SACS: variants seen among roughly 807,000 people sequenced by gnomAD.
SACS encodes the protein sacsin molecular chaperone.
In SACS, 197 loss-of-function variants were observed where a neutral mutation model predicts 348.0. The ratio of observed to expected loss-of-function variants is 0.57; its 90% CI spans 0.50 to 0.64. The LOEUF is 0.64. SACS is among the 30% of genes least tolerant of loss of function. The probability of loss-of-function intolerance (pLI) is 0.00; values close to 1 mark genes in which losing one functional copy is unlikely to be tolerated. For synonymous variants in SACS, 1,985 were observed against 1,910.6 expected (o/e 1.04, Z -1.02); for missense variants, 4,999 against 5,360.8 (o/e 0.93, Z 2.11).
Position 23,331,005 on chromosome 13 carries a change from T to C in SACS, c.12871A>G (p.Lys4291Glu). 6.2e-7 allele frequency: 1 copy of C among 1,614,160 alleles called. No individual in the cohort carries two copies. The highest frequency in any genetic ancestry group is 1.1e-5 in the South Asian group (1 of 91,086). ...SGRESHKTSS[K>E]HQSPKKLKVN... The stretch of plus-strand genomic sequence containing the variant: ...TTAAGCTTTTTGGGGGACTGATGTT[T>C]GGAAGAAGTCTTGTGGCTCTCTCTA... Residue 4291 changes from lysine (K) to glutamate (E), a missense_variant, in exon 10 of 10, where the codon AAA (lysine) becomes GAA (glutamate). Lys to Glu is a moderately conservative substitution (Grantham distance 56, BLOSUM62 1). Transcript: ENST00000382292.
In SACS at chr13:23,339,810, G is replaced by A. The variant is rs1227720271; in HGVS notation, c.4066C>T (p.Leu1356Phe). The A allele has an allele frequency of 6.2e-7, 1 of 1,613,012 alleles. No individual in the cohort carries two copies. Among genetic ancestry groups the A allele is most frequent in the Admixed American group, 1.7e-5 (1 of 59,870 alleles). ...DLSEQESKQNLHLMLNIIRWL... is the reference protein window; with the variant it reads ...DLSEQESKQNFHLMLNIIRWL... ...CTGATAATATTCAACATAAGATGAAGATTTTGTTTGCTTTCTTGTTCACTG... is the reference window on the plus strand; with the variant it reads ...CTGATAATATTCAACATAAGATGAAAATTTTGTTTGCTTTCTTGTTCACTG... Residue 1356 changes from leucine to phenylalanine, a missense_variant, in exon 10 of 10, where the codon CTT (leucine) becomes TTT (phenylalanine). Physicochemically the swap from Leu to Phe is conservative, Grantham distance 22 (BLOSUM62 0). Transcript: ENST00000382292.
Position 23,330,751 on chromosome 13 carries a change from G to A in SACS, c.13125C>T (p.Ala4375=), listed in dbSNP as rs768857354. 4 of 1,613,794 alleles carry A rather than the reference G, an allele frequency of 2.5e-6. No individual in the cohort carries two copies. Among genetic ancestry groups the A allele is most frequent in the South Asian group, 2.2e-5 (2 of 91,016 alleles). ...CTGAGGTTGAAAATGTTCGTCTGGA[G>A]GCCCTGTCTGCATTTTGATCTAGAA... ...QAFLDQNADR[A]SRRTFSTSAS... is the part of the protein sequence containing the mutation. The change falls in exon 10 of 10, where the codon GCC becomes GCT. Residue 4375 remains alanine, a synonymous_variant. Transcript: ENST00000382292.
chr13:23,430,076 C>G (rs1050483942), intron 1 of SACS, among the ~76,000 whole-genome samples: 1 of 152,016 alleles, frequency 6.6e-6, no homozygotes, highest in Non-Finnish European at 1.5e-5. Context: ...GACGTGGTAG[C>G]AGTCACTTGT....
At chr13:23,407,086 T>C (rs1478852352) in intron 2 of SACS, among the ~76,000 whole-genome samples, 3 of 152,222 alleles carry the variant, frequency 2.0e-5, no homozygotes, top group African/African-American at 7.2e-5. Context: ...GGACAGCCAC[T>C]AGAGGGCCAC....
In SACS at chr13:23,365,295, C is replaced by CA. The variant is rs200011804; in HGVS notation, c.346-19dup. ...ATTAATTCCTAACCAAAAAATATAC[C>CA]AAAAAATAGTAATTAATAACACAGT... is the stretch of plus-strand genomic sequence containing the variant. On this transcript the variant is annotated intron_variant, in intron 5 of 9. Coordinates refer to ENST00000382292, the MANE Select transcript of SACS (RefSeq NM_014363.6). The CA allele has an allele frequency of 3.6e-6, 5 of 1,374,662 alleles. No individual in the cohort carries two copies. The African/African-American group carries it at 4.3e-5, about 12-fold the overall frequency. 85.2% of individuals were successfully genotyped at this position (1,374,662 alleles called of 1,614,324 possible).
chr13:23,408,455 A>C (rs1032925852), intron 2 of SACS, among the ~76,000 whole-genome samples: 18 of 152,366 alleles, frequency 1.2e-4, no homozygotes, highest in African/African-American at 4.3e-4. Context: ...AGATGAATAT[A>C]TTTAATACTA....
At chr13:23,376,019 A>G (rs1158333672) in intron 2 of SACS, among the ~76,000 whole-genome samples, 1 of 152,042 alleles carries the variant, frequency 6.6e-6, no homozygotes, top group African/African-American at 2.4e-5. Flanking sequence ...TACAGAACAC[A>G]AGTGTCTTCC....
At chr13:23,381,757 T>C (rs1279748670) in intron 2 of SACS, among the ~76,000 whole-genome samples, 6 of 149,486 alleles carry the variant, frequency 4.0e-5, no homozygotes, top group African/African-American at 1.5e-4. Context: ...CTTGCTTACA[T>C]TCATTAAAGG....
chr13:23,409,080 T>G (rs1873371170), intron 2 of SACS, among the ~76,000 whole-genome samples: 1 of 127,200 alleles, frequency 7.9e-6, no homozygotes. Context: ...TGAGACGGAG[T>G]CTTCCTGTGT....
intron 6 of SACS, among the ~76,000 whole-genome samples, chr13:23,361,905 A>C (rs1332197947): frequency 6.6e-6 from 1 of 152,216 alleles, no homozygotes; most frequent in East Asian, 1.9e-4. Flanking sequence ...TACCCAAGAA[A>C]GAAAGAGATG....
chr13:23,336,820 T>A lies in SACS; in HGVS notation c.7056A>T (p.Ala2352=), dbSNP rs1199675216. 1 of 1,613,778 alleles carries A rather than the reference T, an allele frequency of 6.2e-7. No individual in the cohort carries two copies. The highest frequency in any genetic ancestry group is 1.1e-5 in the South Asian group (1 of 91,066). ...KPFSFILVEN[A]YVDSEKVSFH... Reference sequence around the variant, plus strand: ...AAGAAACCTTTTCTGAGTCAACATATGCATTCTCAACTAGAATGAAGCTAA... The same window carrying A: ...AAGAAACCTTTTCTGAGTCAACATAAGCATTCTCAACTAGAATGAAGCTAA... The change falls in exon 10 of 10, where the codon GCA becomes GCT. Residue 2352 remains alanine, a synonymous_variant. Transcript: ENST00000382292.
At chr13:23,352,972 T>C (rs919073961) in intron 9 of SACS, among the ~76,000 whole-genome samples, 6 of 152,138 alleles carry the variant, frequency 3.9e-5, no homozygotes, top group Non-Finnish European at 7.3e-5. Context: ...AAGAAAAAAG[T>C]ACATTCCATA....
chr13:23,339,291 G>A lies in SACS; in HGVS notation c.4585C>T (p.Gln1529Ter), dbSNP rs1555252345. Residue 1529 changes from glutamine (Q) to a stop codon, truncating the protein, a stop_gained, in exon 10 of 10, where the codon CAA becomes TAA. Transcript: ENST00000382292. LOFTEE classifies it high-confidence loss of function. ...GPALWSFNNS[Q>*]FSDSDFVNIT... ...TTCACAAAATCTGAATCTGAGAATTGAGAATTGTTGAATGACCACAAAGCA... is the reference window on the plus strand; with the variant it reads ...TTCACAAAATCTGAATCTGAGAATTAAGAATTGTTGAATGACCACAAAGCA... 6.2e-7 allele frequency: 1 copy of A among 1,606,514 alleles called. No individual in the cohort carries two copies. Among genetic ancestry groups the A allele is most frequent in the Non-Finnish European group, 8.5e-7 (1 of 1,176,888 alleles).
At chr13:23,369,749 G>A (rs1871271043) in intron 4 of SACS, among the ~76,000 whole-genome samples, 1 of 151,940 alleles carries the variant, frequency 6.6e-6, no homozygotes, top group Non-Finnish European at 1.5e-5. Context: ...GTTTTACCGT[G>A]TTAGCCAGGA....
At chr13:23,346,575 T>C (rs962261829) in intron 9 of SACS, among the ~76,000 whole-genome samples, 12 of 152,224 alleles carry the variant, frequency 7.9e-5, no homozygotes, top group African/African-American at 2.9e-4. Context: ...AGACTAAATG[T>C]TCTATGAAGT....
At chr13:23,431,126 A>G (rs1166105765) in intron 1 of SACS, among the ~76,000 whole-genome samples, 3 of 152,252 alleles carry the variant, frequency 2.0e-5, no homozygotes, top group Non-Finnish European at 2.9e-5. Flanking sequence ...GTAAGAATCA[A>G]TGAGATAAAA....
rs1566060755 is a variant in SACS at position 23,334,110 on chromosome 13, T to C, written c.9766A>G (p.Ser3256Gly). Residue 3256 changes from serine to glycine, a missense_variant, in exon 10 of 10, where the codon AGT becomes GGT. Ser to Gly is a moderately conservative substitution (Grantham distance 56). Transcript: ENST00000382292. The part of the protein sequence containing the change: ...NAWHFISESV[S>G]VKEDQEETKP... The stretch of plus-strand genomic sequence containing the variant: ...GTTTCTTCCTGATCTTCTTTCACAC[T>C]TACAGATTCACTAATAAAATGCCAT... The C allele has an allele frequency of 6.2e-7, 1 of 1,613,780 alleles. No homozygotes were observed. Among genetic ancestry groups the C allele is most frequent in the East Asian group, 2.2e-5 (1 of 44,874 alleles).
In SACS at chr13:23,340,509, C is replaced by A; in HGVS notation, c.3367G>T (p.Val1123Phe). 6.2e-7 allele frequency: 1 copy of A among 1,611,068 alleles called. No homozygotes were observed. Among genetic ancestry groups the A allele is most frequent in the Non-Finnish European group, 8.5e-7 (1 of 1,178,874 alleles). The change falls in exon 10 of 10, where the codon GTT (valine) becomes TTT (phenylalanine). Residue 1123 changes from valine (V) to phenylalanine (F), a missense_variant. This residue lies in a region of SACS where 3,156 missense variants were observed against 3,380.1 expected (regional missense o/e 0.93). Coordinates refer to ENST00000382292, the MANE Select transcript of SACS (RefSeq NM_014363.6). ...AGGGTTTTGGCTTTCTTCAGAAGAA[C>A]ATCTTGATCAGGACAAGCACCGACC... ...LQVGACPDQD[V>F]LLKKAKTLLL...
intron 2 of SACS, among the ~76,000 whole-genome samples, chr13:23,389,263 C>T (rs971593702): frequency 3.3e-5 from 5 of 152,066 alleles, no homozygotes; most frequent in Admixed American, 1.3e-4. Context: ...TAAATAGTTA[C>T]TGTGCTCCTG....
Sources: allele counts gnomAD v4.1 joint callset (sites outside exome capture counted in the v4.1 genomes callset), GRCh38; gene constraint gnomAD v4.1.1; regional missense constraint gnomAD v4.1.1; transcripts MANE v1.5; gene names NCBI Gene and HGNC (gene_info 2026-07-23, HGNC 2026-07-21).